Variants in PTPRT observed in about 807,000 individuals in gnomAD.
PTPRT encodes receptor-type tyrosine-protein phosphatase T.
PTPRT carries 56 observed loss-of-function variants against 176.8 expected under a neutral mutation model. The observed-to-expected ratio is 0.32, with a 90% CI of 0.26 to 0.40. The LOEUF is 0.40. Among genes scored for constraint, PTPRT ranks in the 10% least tolerant of loss-of-function variants. The pLI, the probability that PTPRT is intolerant of heterozygous loss-of-function variation, is 1.00. For missense variants in PTPRT, 1,540 were observed against 1,908.2 expected (o/e 0.81, Z 3.60); for synonymous variants, 783 against 739.0 (o/e 1.06, Z -0.96).
chr20:42,883,740 T>A (rs1197783947), intron 2 of PTPRT, among the ~76,000 whole-genome samples: 1,012 of 12,200 alleles, frequency 0.083, 21 homozygotes, highest in Middle Eastern at 0.5. Flanking sequence ...CCCCATACAC[T>A]CTCACACATA....
At chr20:43,114,505 A>G (rs1452031800) in intron 1 of PTPRT, among the ~76,000 whole-genome samples, 1 of 152,224 alleles carries the variant, frequency 6.6e-6, no homozygotes, top group Non-Finnish European at 1.5e-5. Context: ...TGCAGCACCT[A>G]CTACATAGTC....
chr20:42,100,329 G>A (rs1985810415), intron 26 of PTPRT, among the ~76,000 whole-genome samples: 1 of 152,172 alleles, frequency 6.6e-6, no homozygotes. Context: ...CCTTTACCAG[G>A]GGAAACATTA....
chr20:42,628,416 C>T (rs2074337567), intron 7 of PTPRT, among the ~76,000 whole-genome samples: 1 of 152,124 alleles, frequency 6.6e-6, no homozygotes, highest in Non-Finnish European at 1.5e-5. Context: ...AGTCCATTAT[C>T]CCTATAGCTA....
intron 2 of PTPRT, among the ~76,000 whole-genome samples, chr20:42,851,924 AATCT>A (rs2078479207): frequency 6.6e-6 from 1 of 152,212 alleles, no homozygotes; most frequent in African/African-American, 2.4e-5. Context: ...TTAATTATAT[AATCT>A]ATTATTTCCC....
At chr20:42,448,844 G>A (rs530268132) in intron 8 of PTPRT, among the ~76,000 whole-genome samples, 45 of 143,866 alleles carry the variant, frequency 3.1e-4, no homozygotes, top group African/African-American at 1.1e-3. Flanking sequence ...TAACACGAAC[G>A]ATAGTTCATG....
At chr20:42,181,616 T>C (rs1045088147) in intron 16 of PTPRT, among the ~76,000 whole-genome samples, 55 of 152,190 alleles carry the variant, frequency 3.6e-4, no homozygotes, top group African/African-American at 1.3e-3. Context: ...ATAAGATCAG[T>C]TGACTGAATA....
At chr20:42,459,902 C>T (rs543067422) in intron 8 of PTPRT, among the ~76,000 whole-genome samples, 13 of 150,602 alleles carry the variant, frequency 8.6e-5, no homozygotes, top group Admixed American at 3.3e-4. Flanking sequence ...CAGGGGTGAG[C>T]CACCATCCCC....
At chr20:43,171,816 G>A (rs990199135) in intron 1 of PTPRT, among the ~76,000 whole-genome samples, 2 of 152,170 alleles carry the variant, frequency 1.3e-5, no homozygotes, top group Admixed American at 1.3e-4. Context: ...GAAAACCACT[G>A]CCATTGAGGA....
At chr20:43,133,434 G>A (rs2013708701) in intron 1 of PTPRT, among the ~76,000 whole-genome samples, 1 of 152,152 alleles carries the variant, frequency 6.6e-6, no homozygotes, top group African/African-American at 2.4e-5. Context: ...TCTGGACAAT[G>A]TCAATGGTTG....
chr20:42,189,151 A>G (rs759340969), intron 16 of PTPRT, among the ~76,000 whole-genome samples: 24 of 152,066 alleles, frequency 1.6e-4, no homozygotes, highest in Admixed American at 3.3e-4. Flanking sequence ...TTCTTGACAC[A>G]GAGTATCTTG....
chr20:42,778,296 C>G (rs2077165708), intron 4 of PTPRT, among the ~76,000 whole-genome samples: 1 of 152,154 alleles, frequency 6.6e-6, no homozygotes, highest in African/African-American at 2.4e-5. Flanking sequence ...AGAGCTTTTA[C>G]CACTCTGGCC....
At chr20:42,465,529 T>G (rs929492276) in intron 8 of PTPRT, among the ~76,000 whole-genome samples, 1 of 152,150 alleles carries the variant, frequency 6.6e-6, no homozygotes, top group African/African-American at 2.4e-5. Context: ...ATTTCTAGGA[T>G]ATACTGAGTG....
intron 8 of PTPRT, among the ~76,000 whole-genome samples, chr20:42,471,486 C>T (rs960052214): frequency 1.3e-5 from 2 of 152,138 alleles, no homozygotes; most frequent in Non-Finnish European, 2.9e-5. Flanking sequence ...TGTTCCTGCT[C>T]CTACTTCATC....
intron 7 of PTPRT, among the ~76,000 whole-genome samples, chr20:42,549,806 G>C (rs2072736484): frequency 6.6e-6 from 1 of 151,990 alleles, no homozygotes; most frequent in Admixed American, 6.6e-5. Flanking sequence ...CCATTGATCA[G>C]ACACACCTAG....
chr20:42,459,923 G>T (rs1264080051), intron 8 of PTPRT, among the ~76,000 whole-genome samples: 1 of 152,122 alleles, frequency 6.6e-6, no homozygotes, highest in African/African-American at 2.4e-5. Context: ...AGCCAGAAGG[G>T]ATTTTCTTTG....
At chr20:43,090,996 C>T (rs966132031) in intron 1 of PTPRT, among the ~76,000 whole-genome samples, 2 of 152,082 alleles carry the variant, frequency 1.3e-5, no homozygotes, top group Non-Finnish European at 2.9e-5. Flanking sequence ...TTTGGGAGGC[C>T]GAGGCGGGCA....
downstream of PTPRT, among the ~76,000 whole-genome samples, chr20:42,068,047 C>T (rs1336273468): frequency 6.6e-6 from 1 of 152,152 alleles, no homozygotes; most frequent in East Asian, 1.9e-4. Flanking sequence ...GCATGAAATA[C>T]ACTTAAGAAC....
At chr20:42,367,421 T>C (rs151033469) in intron 9 of PTPRT, among the ~76,000 whole-genome samples, 4 of 152,320 alleles carry the variant, frequency 2.6e-5, no homozygotes, top group African/African-American at 9.6e-5. Context: ...GCAGTATCAG[T>C]AGCTGTTATT....
At chr20:42,911,155 C>CT (rs1055631252) in intron 1 of PTPRT, among the ~76,000 whole-genome samples, 48 of 151,250 alleles carry the variant, frequency 3.2e-4, no homozygotes, top group Non-Finnish European at 5.6e-4. Context: ...ATAGGAAACA[C>CT]TTTTTTTTTA....
Sources: allele counts gnomAD v4.1 joint callset (sites outside exome capture counted in the v4.1 genomes callset), GRCh38; gene constraint gnomAD v4.1.1; transcripts MANE v1.5; gene names NCBI Gene and HGNC (gene_info 2026-07-23, HGNC 2026-07-21).